LRRC37A2: variants seen among roughly 807,000 people sequenced by gnomAD.
LRRC37A2 encodes the protein leucine rich repeat containing 37 member A2, also known as leucine-rich repeat-containing protein 37A2.
In LRRC37A2, 9 loss-of-function variants were observed where a neutral mutation model predicts 68.8. That is an observed-to-expected ratio of 0.13 (90% CI 0.08 to 0.23). LRRC37A2 has a LOEUF of 0.23. Ranked by LOEUF, LRRC37A2 falls within the 10% of genes least tolerant of loss-of-function variation. LRRC37A2 has a pLI of 1.00. For missense variants in LRRC37A2, 168 were observed against 950.4 expected (o/e 0.18, Z 10.82); for synonymous variants, 63 against 367.6 (o/e 0.17, Z 9.48).
the LRRC37A2 span, among the ~76,000 whole-genome samples, chr17:46,795,256 C>A: frequency 1.8e-3 from 280 of 152,294 alleles, 12 homozygotes; most frequent in South Asian, 0.056. Flanking sequence ...CCCACACCAG[C>A]GCATTCAGCC....
At chr17:46,884,406 G>A in the LRRC37A2 span, among the ~76,000 whole-genome samples, 2 of 152,216 alleles carry the variant, frequency 1.3e-5, no homozygotes, top group African/African-American at 4.8e-5. Flanking sequence ...AGTTCAGGAA[G>A]GATTAAGGGG....
chr17:46,966,820 T>A, the LRRC37A2 span: 1 of 428,326 alleles, frequency 2.3e-6, no homozygotes, highest in Non-Finnish European at 4.1e-6. Context: ...AAATCAGAAT[T>A]ATGAAAAGTG....
the LRRC37A2 span, among the ~76,000 whole-genome samples, chr17:46,878,693 G>A: frequency 6.6e-6 from 1 of 152,216 alleles, no homozygotes; most frequent in East Asian, 1.9e-4. Flanking sequence ...AAGGCAGCAG[G>A]GACCTCACTG....
chr17:46,910,451 C>T, the LRRC37A2 span, among the ~76,000 whole-genome samples: 45 of 152,284 alleles, frequency 3.0e-4, no homozygotes, highest in Admixed American at 7.8e-4. Flanking sequence ...GTGACTCTCA[C>T]GGTGGGGTAA....
the LRRC37A2 span, among the ~76,000 whole-genome samples, chr17:47,003,193 T>C: frequency 7.0e-6 from 1 of 142,402 alleles, no homozygotes; most frequent in Non-Finnish European, 1.5e-5. Context: ...ATTTGAGGCT[T>C]CAGTGAGTCG....
chr17:46,778,659 T>C, the LRRC37A2 span, among the ~76,000 whole-genome samples: 5 of 152,200 alleles, frequency 3.3e-5, no homozygotes, highest in Non-Finnish European at 5.9e-5. Context: ...GTGACTCTCA[T>C]GCTCCTCGAT....
the LRRC37A2 span, among the ~76,000 whole-genome samples, chr17:46,897,033 G>A: frequency 6.6e-6 from 1 of 152,196 alleles, no homozygotes; most frequent in African/African-American, 2.4e-5. Flanking sequence ...AAGCTAATGG[G>A]TGTGCCCCTG....
chr17:46,907,687 AAC>A, the LRRC37A2 span, among the ~76,000 whole-genome samples: 2,294 of 137,656 alleles, frequency 0.017, 150 homozygotes, highest in African/African-American at 0.058. Context: ...AAAAAAAAAA[AAC>A]AAAAAACCCA....
At chr17:46,772,030 G>A in the LRRC37A2 span, among the ~76,000 whole-genome samples, 2 of 151,766 alleles carry the variant, frequency 1.3e-5, no homozygotes, top group East Asian at 1.9e-4. Context: ...CTGCGCCCCG[G>A]GTCTCAAAGC....
the LRRC37A2 span, among the ~76,000 whole-genome samples, chr17:46,914,650 CA>C: frequency 0.21 from 15,167 of 71,952 alleles, 492 homozygotes; most frequent in East Asian, 0.37. Flanking sequence ...GACTCCACCT[CA>C]AAAAAAAAAA....
At chr17:46,776,320 G>A in the LRRC37A2 span, among the ~76,000 whole-genome samples, 1 of 152,256 alleles carries the variant, frequency 6.6e-6, no homozygotes, top group African/African-American at 2.4e-5. Context: ...GGCACACGGC[G>A]CACACAGCAC....
At chr17:46,866,117 C>T in the LRRC37A2 span, among the ~76,000 whole-genome samples, 1 of 152,086 alleles carries the variant, frequency 6.6e-6, no homozygotes, top group Non-Finnish European at 1.5e-5. Flanking sequence ...AAGAGAAAGG[C>T]ACCTGGAAGG....
the LRRC37A2 span, among the ~76,000 whole-genome samples, chr17:46,494,344 A>G: frequency 6.7e-6 from 1 of 148,704 alleles, no homozygotes. Context: ...TTTGGTGTTC[A>G]TCTAACAGCT....
chr17:46,826,694 T>C, the LRRC37A2 span, among the ~76,000 whole-genome samples: 8 of 152,024 alleles, frequency 5.3e-5, no homozygotes, highest in East Asian at 1.5e-3. Context: ...TTCAGCAGAG[T>C]GATAGCTGCT....
At chr17:47,014,111 G>C in the LRRC37A2 span, among the ~76,000 whole-genome samples, 1 of 150,122 alleles carries the variant, frequency 6.7e-6, no homozygotes, top group Non-Finnish European at 1.5e-5. Flanking sequence ...AAACAAACAG[G>C]CCAGGTGCAG....
the LRRC37A2 span, among the ~76,000 whole-genome samples, chr17:46,990,681 T>C: frequency 6.6e-6 from 1 of 151,996 alleles, no homozygotes; most frequent in African/African-American, 2.4e-5. Context: ...ATGCTTTTTT[T>C]TTTTCTTAAG....
At chr17:47,015,512 G>A in the LRRC37A2 span, among the ~76,000 whole-genome samples, 28,226 of 150,816 alleles carry the variant, frequency 0.19, 3,340 homozygotes, top group East Asian at 0.55. Context: ...ATGCTATGAT[G>A]TTAGCACAAT....
At chr17:47,000,093 AAAT>A in the LRRC37A2 span, among the ~76,000 whole-genome samples, 241 of 122,922 alleles carry the variant, frequency 2.0e-3, 4 homozygotes, top group African/African-American at 3.0e-3. Flanking sequence ...AAATAAAATA[AAAT>A]AAAATAAAAT....
chr17:47,018,474 G>C, the LRRC37A2 span: 1 of 1,530,788 alleles, frequency 6.5e-7, no homozygotes, highest in Non-Finnish European at 9.0e-7. Flanking sequence ...GCCTAGTGCA[G>C]AGGTGGGAAA....
Sources: allele counts gnomAD v4.1 joint callset (sites outside exome capture counted in the v4.1 genomes callset), GRCh38; gene constraint gnomAD v4.1.1; transcripts MANE v1.5; gene names NCBI Gene and HGNC (gene_info 2026-07-23, HGNC 2026-07-21).